Variants in CCNJL observed in about 807,000 individuals in gnomAD.
The protein encoded by CCNJL is cyclin-J-like protein.
CCNJL carries 33 observed loss-of-function variants against 33.4 expected under a neutral mutation model. The observed-to-expected ratio is 0.99, with a 90% CI of 0.75 to 1.32. The LOEUF is 1.32. Ranked by LOEUF, CCNJL falls within the 40% of genes most tolerant of loss-of-function variation. The pLI is 0.00. For synonymous variants in CCNJL, 227 were observed against 220.9 expected, an observed-to-expected ratio of 1.03 and a Z score of -0.24; for missense variants, 512 against 499.7, an observed-to-expected ratio of 1.02 and a Z score of -0.23.
chr5:160,307,198 T>G (rs945896227), intron 2 of CCNJL, among the ~76,000 whole-genome samples: 16 of 152,096 alleles, frequency 1.1e-4, no homozygotes, highest in Admixed American at 2.0e-4. Flanking sequence ...TCAGGTGAGG[T>G]GGGGGACACC....
At chr5:160,307,348 A>C (rs1323795010) in intron 2 of CCNJL, among the ~76,000 whole-genome samples, 1 of 152,188 alleles carries the variant, frequency 6.6e-6, no homozygotes, top group East Asian at 1.9e-4. Flanking sequence ...AGAAGCAAGG[A>C]TGAGGGTGGG....
At chr5:160,253,859 TC>T (rs1286265174) in intron 5 of CCNJL, 61 bp from the exon 6 acceptor site, 8 of 1,312,848 alleles carry the variant, frequency 6.1e-6, no homozygotes, top group Non-Finnish European at 8.3e-6. Flanking sequence ...CCTGTGTGTG[TC>T]TCTACCTGTC....
intron 3 of CCNJL, among the ~76,000 whole-genome samples, chr5:160,277,528 A>G (rs572680947): frequency 2.0e-5 from 3 of 152,222 alleles, no homozygotes; most frequent in Non-Finnish European, 4.4e-5. Flanking sequence ...TTTATGGTAG[A>G]GTTCTATCCT....
intron 2 of CCNJL, chr5:160,281,009 T>C: frequency 1.9e-6 from 1 of 530,368 alleles, no homozygotes; most frequent in South Asian, 1.9e-5. Flanking sequence ...CTATTTGAGA[T>C]ACACAAGGCC....
chr5:160,314,518 A>C (rs1374651049), upstream of CCNJL, among the ~76,000 whole-genome samples: 1 of 152,212 alleles, frequency 6.6e-6, no homozygotes, highest in African/African-American at 2.4e-5. Context: ...GAAAACATAC[A>C]CGAATTATAC....
At position 160,253,546 on chromosome 5, in the gene CCNJL, G is replaced by A. The variant is rs1159632553; in HGVS notation, c.996C>T (p.Thr332=). The change falls in exon 6 of 6, where the codon ACC becomes ACT. Residue 332 remains threonine, a synonymous_variant. Coordinates refer to ENST00000257536, the MANE Select transcript of CCNJL (RefSeq NM_001308173.3). ...LSGSTGSSLH[T]PYQPLQPLDM... ...CCAAGGGCTGCAGCGGTTGGTACGG[G>A]GTGTGGAGGGATGAGCCTGTACTCC... The A allele has an allele frequency of 6.2e-7, 1 of 1,614,066 alleles. No homozygotes were observed. Among genetic ancestry groups the A allele is most frequent in the Non-Finnish European group, 8.5e-7 (1 of 1,180,034 alleles).
chr5:160,258,846 A>G (rs1182939857), intron 4 of CCNJL, among the ~76,000 whole-genome samples: 1 of 152,142 alleles, frequency 6.6e-6, no homozygotes, highest in East Asian at 1.9e-4. Flanking sequence ...ACAGGCATGC[A>G]CCACCACACC....
At chr5:160,295,918 C>T (rs976629650) in intron 2 of CCNJL, among the ~76,000 whole-genome samples, 3 of 152,130 alleles carry the variant, frequency 2.0e-5, no homozygotes, top group African/African-American at 4.8e-5. Context: ...CCTGTCTCAC[C>T]GAATCAGAAT....
Position 160,255,649 on chromosome 5 carries a change from T to C in CCNJL, c.643A>G (p.Arg215Gly). The change falls in exon 5 of 6, where the codon AGG (arginine) becomes GGG (glycine). Residue 215 changes from arginine to glycine, a missense_variant. Physicochemically the swap from Arg to Gly is moderately radical, Grantham distance 125. Transcript: ENST00000257536. Reference protein sequence around the residue: ...VVAAACVGASRICLQLSPYWT... With the variant: ...VVAAACVGASGICLQLSPYWT... ...TAGGGAGAAAGCTGCAGGCAAATCC[T>C]GGAGGCCCCAACACAGGCCGCAGCG... The C allele has an allele frequency of 6.2e-7, 1 of 1,614,134 alleles. No individual in the cohort carries two copies. The highest frequency in any genetic ancestry group is 1.1e-5 in the South Asian group (1 of 91,084).
chr5:160,257,132 G>C (rs1197437016), intron 4 of CCNJL, among the ~76,000 whole-genome samples: 1 of 151,950 alleles, frequency 6.6e-6, no homozygotes, highest in Admixed American at 6.6e-5. Context: ...TGTAATCCCA[G>C]GAGTTTGAGA....
chr5:160,313,648 T>C (rs1240780019), upstream of CCNJL, among the ~76,000 whole-genome samples: 3 of 152,148 alleles, frequency 2.0e-5, no homozygotes, highest in Non-Finnish European at 4.4e-5. Flanking sequence ...TACCTAAAAA[T>C]AAACTGAATA....
At chr5:160,291,246 A>G (rs1022571318) in intron 2 of CCNJL, among the ~76,000 whole-genome samples, 1 of 152,050 alleles carries the variant, frequency 6.6e-6, no homozygotes, top group Non-Finnish European at 1.5e-5. Flanking sequence ...TTCAAAAATT[A>G]TAAACTGTGC....
In CCNJL at chr5:160,267,814, G is replaced by A. The variant is rs184273148; in HGVS notation, c.281-8043C>T. On this transcript the variant is annotated intron_variant, in intron 3 of 5. Transcript: ENST00000257536. ...TGGGCTCAAGTGATCTTCCTGCTTC[G>A]GCTTCCCAAAGTGCTGGGATTACAG... Among the ~76,000 whole-genome samples the A allele has an allele frequency of 9.6e-4, 146 of 152,208 alleles. 1 individual carries two copies. Among genetic ancestry groups the A allele is most frequent in the Non-Finnish European group, 2.6e-4 (18 of 68,020 alleles).
chr5:160,289,133 G>A (rs761441914), intron 2 of CCNJL, among the ~76,000 whole-genome samples: 137 of 152,206 alleles, frequency 9.0e-4, no homozygotes, highest in Non-Finnish European at 7.8e-4. Context: ...ATTCCTCAGA[G>A]GCCATCCCTG....
Position 160,253,269 on chromosome 5 carries a change from G to C in CCNJL, c.*109C>G, listed in dbSNP as rs1760886919. ...GGAGCACAGACCCTCCACGTTCCAA[G>C]GCTCTTCAGGGATGGCCTCCTGCTG... is the stretch of plus-strand genomic sequence containing the variant. On this transcript the variant is annotated 3_prime_UTR_variant, in exon 6 of 6. Transcript: ENST00000257536. 4.6e-6 allele frequency: 5 copies of C among 1,081,284 alleles called. No individual in the cohort carries two copies. Among genetic ancestry groups the C allele is most frequent in the Middle Eastern group, 3.1e-4 (1 of 3,242 alleles). The allele number at this position is 1,081,284 out of a possible 1,614,324, so 67.0% of individuals were successfully genotyped here. A position where few individuals can be genotyped will look rare whatever the true frequency, so the allele number is the denominator to read the frequency against.
rs995450302 is a variant in CCNJL, at chr5:160,278,957, GTAACAAGGGAA to G, written c.280+1557_280+1567del. 5.0e-4 allele frequency among the ~76,000 whole-genome samples: 76 copies of G among 152,220 alleles called. 3 individuals carry two copies. Among genetic ancestry groups the G allele is most frequent in the Non-Finnish European group, 1.0e-4 (7 of 68,028 alleles). On this transcript the variant is annotated intron_variant, in intron 3 of 5. Coordinates refer to ENST00000257536, the MANE Select transcript of CCNJL (RefSeq NM_001308173.3). ...CACCCAGCAAGACTGGCTCGCATGT[GTAACAAGGGAA>G]TCCAGTTGGCCAAAGGTAGAGAAAA...
chr5:160,276,470 A>C (rs1762017864), intron 3 of CCNJL: 1 of 152,234 alleles, frequency 6.6e-6, no homozygotes, highest in African/African-American at 2.4e-5. Flanking sequence ...TACATGTTGC[A>C]ACATGGATGA....
intron 2 of CCNJL, among the ~76,000 whole-genome samples, chr5:160,310,780 C>A (rs1329933677): frequency 6.6e-6 from 1 of 152,110 alleles, no homozygotes; most frequent in Non-Finnish European, 1.5e-5. Flanking sequence ...CACCATGTGA[C>A]AGTGGAGGCA....
At chr5:160,325,448 T>G (rs1303472143) in intron 1 of CCNJL, among the ~76,000 whole-genome samples, 1 of 152,148 alleles carries the variant, frequency 6.6e-6, no homozygotes, top group African/African-American at 2.4e-5. Flanking sequence ...ATACTATTGC[T>G]TTTGCTGGGA....
Sources: gnomAD v4.1 joint callset for allele counts (sites outside exome capture counted in the v4.1 genomes callset) on GRCh38, gnomAD v4.1.1 for gene constraint, MANE v1.5 for transcripts, NCBI Gene and HGNC (gene_info 2026-07-23, HGNC 2026-07-21) for gene names.